Variants in TNFSF8 observed in about 807,000 individuals in gnomAD.
TNFSF8 encodes the protein tumor necrosis factor ligand superfamily member 8.
A neutral mutation model predicts 22.0 loss-of-function variants in TNFSF8; 4 were observed. The ratio of observed to expected loss-of-function variants is 0.18; its 90% CI spans 0.09 to 0.42. The LOEUF is 0.42. Among genes scored for constraint, TNFSF8 ranks in the 10% least tolerant of loss-of-function variants. The pLI is 1.00. For synonymous variants in TNFSF8, 106 were observed against 112.5 expected, an observed-to-expected ratio of 0.94 and a Z score of 0.37; for missense variants, 233 against 281.8, an observed-to-expected ratio of 0.83 and a Z score of 1.24.
In TNFSF8 at chr9:114,905,881, AG is replaced by A. The variant is rs1162290035; in HGVS notation, c.256del (p.Leu86SerfsTer5). The A allele has an allele frequency of 6.2e-7, 1 of 1,611,990 alleles. No individual in the cohort carries two copies. Among genetic ancestry groups the A allele is most frequent in the African/African-American group, 1.3e-5 (1 of 74,894 alleles). On this transcript the variant is annotated frameshift_variant, in exon 3 of 4. Coordinates refer to ENST00000223795, the MANE Select transcript of TNFSF8 (RefSeq NM_001244.4). LOFTEE classifies it high-confidence loss of function. ...PLKGGNCSED[L>X]LCILKRAPFK... ...TGGAGCCCTTTTCAGGATACATAAGAGGTCTTCTGAGCAATTTCCTAAAAAT... is the reference window on the plus strand; with the variant it reads ...TGGAGCCCTTTTCAGGATACATAAGAGTCTTCTGAGCAATTTCCTAAAAAT...
At chr9:114,907,093 A>G (rs950059846) in intron 2 of TNFSF8, among the ~76,000 whole-genome samples, 4 of 152,168 alleles carry the variant, frequency 2.6e-5, no homozygotes. Flanking sequence ...CCCAGCCCTG[A>G]GAAAGTCCCT....
At chr9:114,899,158 T>G (rs1827688873), downstream of TNFSF8, among the ~76,000 whole-genome samples, 1 of 151,990 alleles carries the variant, frequency 6.6e-6, no homozygotes, top group South Asian at 2.1e-4. Context: ...GGACAAACAT[T>G]CCAAAATTCT....
chr9:114,910,785 T>A (rs1827843438), intron 2 of TNFSF8, among the ~76,000 whole-genome samples: 1 of 152,116 alleles, frequency 6.6e-6, no homozygotes, highest in Non-Finnish European at 1.5e-5. Context: ...CCCGGCCAGA[T>A]GGTATGTGGT....
At chr9:114,893,854 G>C in exon 5 of TNFSF8, 1 of 505,276 alleles carries the variant, frequency 2.0e-6, no homozygotes, top group Non-Finnish European at 3.6e-6. Context: ...CTTTGAGTAG[G>C]GGGTGGTCAG....
chr9:114,914,315 A>C (rs531165421), intron 2 of TNFSF8, among the ~76,000 whole-genome samples: 1 of 152,220 alleles, frequency 6.6e-6, no homozygotes, highest in Non-Finnish European at 1.5e-5. Flanking sequence ...ACACTGCCCT[A>C]CCAGCTTCTC....
intron 1 of TNFSF8, among the ~76,000 whole-genome samples, chr9:114,929,098 T>C (rs1418971414): frequency 6.6e-6 from 1 of 152,202 alleles, no homozygotes; most frequent in Non-Finnish European, 1.5e-5. Flanking sequence ...GAGCAATATA[T>C]GCTATTACTA....
intron 2 of TNFSF8, among the ~76,000 whole-genome samples, chr9:114,909,432 A>C (rs1288787771): frequency 6.6e-6 from 1 of 152,150 alleles, no homozygotes; most frequent in Non-Finnish European, 1.5e-5. Context: ...TGAGTTGATG[A>C]CCTGGGAGTT....
At chr9:114,925,423 A>G (rs1050335233) in intron 1 of TNFSF8, among the ~76,000 whole-genome samples, 7 of 152,052 alleles carry the variant, frequency 4.6e-5, no homozygotes, top group Admixed American at 3.3e-4. Context: ...GATGTTCCTC[A>G]CAGACAAGGA....
In TNFSF8 at chr9:114,927,297, C is replaced by G. The variant is rs889388127; in HGVS notation, c.195+2812G>C. On this transcript the variant is annotated intron_variant, in intron 1 of 3. Transcript: ENST00000223795. ...AGGCTTTAGAACAATGTCCTGCACA[C>G]AGTAGATATTTAATAAATATTTGAG... Among the ~76,000 whole-genome samples, 3 of 151,992 alleles carry G rather than the reference C, an allele frequency of 2.0e-5. No individual in the cohort carries two copies. In the South Asian group the frequency reaches 6.2e-4, roughly 32 times the overall value.
rs1827836614 is a variant in TNFSF8, at chr9:114,910,249, T to A, written c.239-4350A>T. Reference sequence around the variant, plus strand: ...AGAGGAGAGAGATAGAAAGAGAGGTTGCTCGAGGTGGTGAAAGGAGCATAT... The same window carrying A: ...AGAGGAGAGAGATAGAAAGAGAGGTAGCTCGAGGTGGTGAAAGGAGCATAT... On this transcript the variant is annotated intron_variant, in intron 2 of 3. Transcript: ENST00000223795. Among the ~76,000 whole-genome samples, 3 of 152,294 alleles carry A rather than the reference T, an allele frequency of 2.0e-5. No individual in the cohort carries two copies. The South Asian group carries it at 6.2e-4, about 32-fold the overall frequency.
intron 1 of TNFSF8, among the ~76,000 whole-genome samples, chr9:114,929,361 T>C (rs558582192): frequency 4.0e-5 from 6 of 151,400 alleles, no homozygotes; most frequent in Admixed American, 6.6e-5. Context: ...CTGTTTCTTT[T>C]TTTTTTTTTT....
At chr9:114,910,901 T>A (rs1411122381) in intron 2 of TNFSF8, among the ~76,000 whole-genome samples, 1 of 152,166 alleles carries the variant, frequency 6.6e-6, no homozygotes, top group African/African-American at 2.4e-5. Context: ...AGCTTTTAGC[T>A]CTGGATCTGT....
chr9:114,913,660 CA>C, intron 2 of TNFSF8, among the ~76,000 whole-genome samples: 1 of 152,184 alleles, frequency 6.6e-6, no homozygotes. Flanking sequence ...CAGCTAAGCA[CA>C]AGGGCTGCAA....
At chr9:114,928,773 C>T (rs938772142) in intron 1 of TNFSF8, among the ~76,000 whole-genome samples, 4 of 152,142 alleles carry the variant, frequency 2.6e-5, no homozygotes, top group Non-Finnish European at 5.9e-5. Flanking sequence ...CTATCTAAAT[C>T]AAATATTTGC....
downstream of TNFSF8, among the ~76,000 whole-genome samples, chr9:114,897,771 T>A (rs369661248): frequency 1.3e-5 from 2 of 151,752 alleles, no homozygotes; most frequent in South Asian, 2.1e-4. Context: ...CACAAGGAGG[T>A]GGGGCTGAGC....
chr9:114,899,662 G>A (rs958663310), downstream of TNFSF8, among the ~76,000 whole-genome samples: 3 of 152,134 alleles, frequency 2.0e-5, no homozygotes, highest in African/African-American at 7.2e-5. Flanking sequence ...GGCTGATTTC[G>A]CAGTGGCTTG....
chr9:114,921,659 T>A (rs1185544616), intron 1 of TNFSF8, among the ~76,000 whole-genome samples: 2 of 152,212 alleles, frequency 1.3e-5, no homozygotes, highest in African/African-American at 4.8e-5. Flanking sequence ...AGTCCTAGAA[T>A]TCTCTCCCTA....
At chr9:114,908,774 A>G (rs1365397271) in intron 2 of TNFSF8, among the ~76,000 whole-genome samples, 1 of 152,194 alleles carries the variant, frequency 6.6e-6, no homozygotes, top group Admixed American at 6.5e-5. Context: ...CAGCCCTTTT[A>G]GGAATGATGT....
downstream of TNFSF8, among the ~76,000 whole-genome samples, chr9:114,899,339 G>GT (rs1357227212): frequency 6.1e-5 from 6 of 98,640 alleles, no homozygotes; most frequent in African/African-American, 3.0e-4. Context: ...TTCACAGTAA[G>GT]TTATTATTTT....
Sources: gnomAD v4.1 joint callset for allele counts (sites outside exome capture counted in the v4.1 genomes callset) on GRCh38, gnomAD v4.1.1 for gene constraint, MANE v1.5 for transcripts, NCBI Gene and HGNC (gene_info 2026-07-23, HGNC 2026-07-21) for gene names.